Variants in SPAG6 observed in about 807,000 individuals in gnomAD.
The protein encoded by SPAG6 is sperm-associated antigen 6.
Under a neutral mutation model 58.5 loss-of-function variants are expected in SPAG6, and 49 were observed. That is an observed-to-expected ratio of 0.84 (90% CI 0.67 to 1.06). The LOEUF (loss-of-function observed/expected upper bound fraction) is 1.06. SPAG6 is among the 50% of genes least tolerant of loss of function. SPAG6 has a pLI of 0.00. For missense variants in SPAG6, 560 were observed against 611.3 expected (o/e 0.92, Z 0.89); for synonymous variants, 233 against 225.6 (o/e 1.03, Z -0.29).
intron 8 of SPAG6, among the ~76,000 whole-genome samples, chr10:22,395,797 AT>A (rs1422879168): frequency 6.6e-6 from 1 of 152,176 alleles, no homozygotes; most frequent in Non-Finnish European, 1.5e-5. Flanking sequence ...GGTCATAAAG[AT>A]TTACTCCTAT....
intron 2 of SPAG6, among the ~76,000 whole-genome samples, chr10:22,349,313 A>C (rs1476080560): frequency 6.6e-6 from 1 of 152,022 alleles, no homozygotes; most frequent in African/African-American, 2.4e-5. Context: ...AAATTTCTTT[A>C]TGTACTCTCA....
At chr10:22,403,234 C>A (rs1474634734) in intron 9 of SPAG6, among the ~76,000 whole-genome samples, 1 of 152,144 alleles carries the variant, frequency 6.6e-6, no homozygotes, top group African/African-American at 2.4e-5. Context: ...GTTGCACCCA[C>A]TAACTCGTCA....
chr10:22,412,641 G>A (rs563129561), intron 10 of SPAG6: 15 of 513,652 alleles, frequency 2.9e-5, no homozygotes, highest in African/African-American at 2.6e-4. Flanking sequence ...CGCGATCTTG[G>A]CTCAACTGCC....
At chr10:22,346,770 A>G (rs538278135) in intron 2 of SPAG6, among the ~76,000 whole-genome samples, 28 of 152,242 alleles carry the variant, frequency 1.8e-4, no homozygotes, top group African/African-American at 6.3e-4. Flanking sequence ...TCGTTTTGTC[A>G]CTAGGATTTT....
intron 2 of SPAG6, among the ~76,000 whole-genome samples, chr10:22,360,333 A>G (rs1303790071): frequency 2.1e-5 from 3 of 142,130 alleles, no homozygotes; most frequent in Non-Finnish European, 4.5e-5. Flanking sequence ...TTTTTTTTTC[A>G]TAACTGGATT....
At chr10:22,407,557 G>T (rs374541497) in intron 9 of SPAG6, among the ~76,000 whole-genome samples, 1 of 152,000 alleles carries the variant, frequency 6.6e-6, no homozygotes, top group African/African-American at 2.4e-5. Flanking sequence ...CTTTCTCTCT[G>T]GCTGCCCTTA....
intron 4 of SPAG6, among the ~76,000 whole-genome samples, chr10:22,374,631 C>A (rs971295721): frequency 6.7e-6 from 1 of 148,552 alleles, no homozygotes; most frequent in African/African-American, 2.5e-5. Context: ...AAAAAATTCA[C>A]CAGATGTTGT....
intron 7 of SPAG6, among the ~76,000 whole-genome samples, chr10:22,389,999 G>A (rs995093427): frequency 5.3e-5 from 8 of 152,142 alleles, no homozygotes; most frequent in African/African-American, 1.4e-4. Context: ...AGTGTGTGCG[G>A]TGACCCTCTG....
At chr10:22,406,132 T>G (rs1834548462) in intron 9 of SPAG6, among the ~76,000 whole-genome samples, 1 of 152,240 alleles carries the variant, frequency 6.6e-6, no homozygotes, top group Admixed American at 6.5e-5. Context: ...TGTGTCTCTA[T>G]TTCCTTCAGT....
At chr10:22,364,122 A>G (rs1837125379) in intron 2 of SPAG6, among the ~76,000 whole-genome samples, 2 of 152,182 alleles carry the variant, frequency 1.3e-5, no homozygotes, top group South Asian at 4.1e-4. Context: ...TGAAAAATGT[A>G]TAAATTATAA....
chr10:22,398,721 C>A (rs536726109), intron 8 of SPAG6, among the ~76,000 whole-genome samples: 13 of 152,124 alleles, frequency 8.5e-5, no homozygotes, highest in African/African-American at 2.7e-4. Context: ...AAAGTGAGAT[C>A]CTGTCTTTAA....
chr10:22,370,380 C>G (rs971784592), intron 4 of SPAG6, among the ~76,000 whole-genome samples: 2 of 152,150 alleles, frequency 1.3e-5, no homozygotes, highest in Non-Finnish European at 2.9e-5. Context: ...GGGCATTACT[C>G]TCCCTGTTAA....
At chr10:22,387,006 A>G (rs751571435) in intron 5 of SPAG6, 47 bp downstream of exon 5, 1 of 1,424,814 alleles carries the variant, frequency 7.0e-7, no homozygotes, top group South Asian at 1.2e-5. Flanking sequence ...CTTATAATGT[A>G]AGAAAATGGA....
chr10:22,350,453 A>C (rs1340298783), intron 2 of SPAG6, among the ~76,000 whole-genome samples: 1 of 152,170 alleles, frequency 6.6e-6, no homozygotes, highest in African/African-American at 2.4e-5. Context: ...ATTAAAAAAA[A>C]CTAAGCTGTA....
At position 22,383,333 on chromosome 10, in the gene SPAG6, T is replaced by C. The variant is rs1212937679; in HGVS notation, c.473-3421T>C. Among the ~76,000 whole-genome samples, 7 of 152,260 alleles carry C rather than the reference T, an allele frequency of 4.6e-5. No homozygotes were observed. In the South Asian group the frequency reaches 8.3e-4, roughly 18 times the overall value. On this transcript the variant is annotated intron_variant, in intron 4 of 10. Transcript: ENST00000376624. ...GTATGTGTTTTGGTTGCTGCTGGTT[T>C]TTTTCGAGTAGAAAATACAGAAAAA...
In SPAG6 at chr10:22,416,627, C is replaced by A; in HGVS notation, c.1469C>A (p.Ser490Tyr). The change falls in exon 11 of 11, where the codon TCC becomes TAC. Residue 490 changes from serine to tyrosine, a missense_variant. Ser to Tyr is a moderately radical substitution (Grantham distance 144). Coordinates refer to ENST00000376624, the MANE Select transcript of SPAG6 (RefSeq NM_012443.4). ...CYPEEIVRYY[S>Y]PGYSDTLLQR... ...TGTATTTTCTTTTTCAGGTATTATT[C>A]CCCTGGATATTCAGATACACTTCTG... The A allele has an allele frequency of 6.2e-7, 1 of 1,602,008 alleles. No homozygotes were observed. The highest frequency in any genetic ancestry group is 1.1e-5 in the South Asian group (1 of 90,720).
Position 22,386,800 on chromosome 10 carries a change from A to C in SPAG6, c.519A>C (p.Val173=). 6.2e-7 allele frequency: 1 copy of C among 1,613,316 alleles called. No homozygotes were observed. Among genetic ancestry groups the C allele is most frequent in the East Asian group, 2.2e-5 (1 of 44,862 alleles). ...VVDAGAVPLL[V]LCIQEPEIAL... ...ATGCAGGAGCTGTTCCTCTTTTAGT[A>C]CTCTGTATCCAGGAGCCAGAAATTG... The change falls in exon 5 of 11, where the codon GTA becomes GTC. Residue 173 remains valine (V), a synonymous_variant. Coordinates refer to ENST00000376624, the MANE Select transcript of SPAG6 (RefSeq NM_012443.4).
chr10:22,379,969 T>A (rs1162484292), intron 4 of SPAG6, among the ~76,000 whole-genome samples: 2 of 151,758 alleles, frequency 1.3e-5, no homozygotes, highest in African/African-American at 2.4e-5. Context: ...TAAGTTTTGA[T>A]TTTTTTTGGA....
At chr10:22,346,497 T>TTCTTCTTCCTC in intron 2 of SPAG6, among the ~76,000 whole-genome samples, 1 of 74,388 alleles carries the variant, frequency 1.3e-5, no homozygotes, top group African/African-American at 5.3e-5. Flanking sequence ...CTTCTTCTTC[T>TTCTTCTTCCTC]TTCTTCTTCT....
Sources: allele counts gnomAD v4.1 joint callset (sites outside exome capture counted in the v4.1 genomes callset), GRCh38; gene constraint gnomAD v4.1.1; transcripts MANE v1.5; gene names NCBI Gene and HGNC (gene_info 2026-07-23, HGNC 2026-07-21).